The following FGF13 variants were observed in gnomAD, a reference collection of about 807,000 sequenced individuals.
The protein encoded by FGF13 is fibroblast growth factor 13, also known as fibroblast growth factor homologous factor 2.
Under a neutral mutation model 19.5 loss-of-function variants are expected in FGF13, and 2 were observed. The ratio of observed to expected loss-of-function variants is 0.10; its 90% CI spans 0.04 to 0.32. The LOEUF (loss-of-function observed/expected upper bound fraction) is 0.32. FGF13 is among the 10% of genes least tolerant of loss of function. The probability of loss-of-function intolerance (pLI) is 1.00; values close to 1 mark genes in which losing one functional copy is unlikely to be tolerated. For synonymous variants in FGF13, 72 were observed against 76.9 expected (o/e 0.94, Z 0.33); for missense variants, 113 against 192.7 (o/e 0.59, Z 2.45).
intron 1 of FGF13, among the ~76,000 whole-genome samples, chrX:139,020,332 G>C (rs192198043): frequency 1.8e-5 from 2 of 111,175 alleles, no homozygotes; most frequent in Non-Finnish European, 1.9e-5. Context: ...CAAACTACCA[G>C]CTTATCAATG....
chrX:139,141,047 T>TGATAGATGATA (rs1556373057), intron 1 of FGF13, among the ~76,000 whole-genome samples: 1 of 89,091 alleles, frequency 1.1e-5, no homozygotes, highest in African/African-American at 4.4e-5. Flanking sequence ...ACTAGATAGA[T>TGATAGATGATA]GATAGATAGA....
intron 3 of FGF13, among the ~76,000 whole-genome samples, chrX:138,684,168 A>G (rs2089756619): frequency 8.9e-6 from 1 of 111,874 alleles, no homozygotes; most frequent in African/African-American, 3.2e-5. Flanking sequence ...ATTACTTGCA[A>G]AATAGACTTA....
At chrX:138,734,812 C>T (rs1310230203) in intron 1 of FGF13, among the ~76,000 whole-genome samples, 1 of 111,807 alleles carries the variant, frequency 8.9e-6, no homozygotes, top group Non-Finnish European at 1.9e-5. Flanking sequence ...TCCTGGAAGG[C>T]AGGGTCCATG....
chrX:138,767,382 C>A (rs1370432071), intron 3 of FGF13, among the ~76,000 whole-genome samples: 1 of 111,881 alleles, frequency 8.9e-6, no homozygotes, highest in African/African-American at 3.3e-5. Flanking sequence ...GTGCACAAGT[C>A]CCATGGGGAT....
intron 1 of FGF13, among the ~76,000 whole-genome samples, chrX:139,059,927 G>C (rs2092331526): frequency 8.9e-6 from 1 of 111,806 alleles, no homozygotes. Flanking sequence ...AATAAGGTGT[G>C]CATATCTTTG....
chrX:138,926,887 C>G (rs1305934632), intron 1 of FGF13, among the ~76,000 whole-genome samples: 1 of 111,430 alleles, frequency 9.0e-6, no homozygotes, highest in African/African-American at 3.3e-5. Flanking sequence ...ATCCGGGAGG[C>G]AGAGGTTGTA....
chrX:138,840,767 G>A (rs779132364), intron 3 of FGF13, among the ~76,000 whole-genome samples: 1 of 111,635 alleles, frequency 9.0e-6, no homozygotes, highest in Admixed American at 9.5e-5. Context: ...CCAGTGGCCA[G>A]GGTGGTGGTC....
intron 1 of FGF13, among the ~76,000 whole-genome samples, chrX:139,133,795 A>G (rs1371111042): frequency 8.9e-6 from 1 of 111,756 alleles, no homozygotes; most frequent in Non-Finnish European, 1.9e-5. Flanking sequence ...ATTTACCTTT[A>G]CATACCCACT....
intron 3 of FGF13, among the ~76,000 whole-genome samples, chrX:138,808,619 C>A (rs879160655): frequency 9.0e-6 from 1 of 110,877 alleles, no homozygotes; most frequent in Non-Finnish European, 1.9e-5. Flanking sequence ...GATAGAGACA[C>A]AAAAAACCCT....
intron 1 of FGF13, among the ~76,000 whole-genome samples, chrX:138,951,430 T>C (rs1318651864): frequency 9.0e-6 from 1 of 111,678 alleles, no homozygotes; most frequent in Non-Finnish European, 1.9e-5. Flanking sequence ...AAAATTGAAA[T>C]ATTCTGTACA....
chrX:138,865,073 C>A (rs2091310079), intron 1 of FGF13, among the ~76,000 whole-genome samples: 1 of 111,596 alleles, frequency 9.0e-6, no homozygotes, highest in Non-Finnish European at 1.9e-5. Flanking sequence ...TAACAAGTTC[C>A]CAGGTGGTGC....
rs1439951158 is a variant in FGF13, at chrX:138,627,567, CT to C, written c.*5282del. On this transcript the variant is annotated 3_prime_UTR_variant, in exon 5 of 5. Coordinates refer to ENST00000315930, the MANE Select transcript of FGF13 (RefSeq NM_004114.5). ...CAGAGGAAGACAGCAGCTCTGAGTT[CT>C]TTTGGAGGCCCATCTAGTGTGTGTG... The C allele has an allele frequency of 1.0e-5, 1 of 99,033 alleles. No homozygotes were observed. The highest frequency in any genetic ancestry group is 2.0e-5 in the Non-Finnish European group (1 of 49,741). The allele number at this position is 99,033 out of a possible 1,213,427, so 8.2% of individuals were successfully genotyped here.
chrX:139,034,328 G>C (rs2092243331), intron 1 of FGF13, among the ~76,000 whole-genome samples: 1 of 111,478 alleles, frequency 9.0e-6, no homozygotes, highest in Admixed American at 9.6e-5. Context: ...GTAGGAAATG[G>C]CATCTAAGGC....
Position 138,732,931 on chromosome X carries a change from C to A in FGF13, c.28+6311G>T, listed in dbSNP as rs777640219. Among the ~76,000 whole-genome samples the A allele has an allele frequency of 3.7e-4, 41 of 110,756 alleles. No homozygotes were observed. The South Asian group carries it at 0.014, about 38-fold the overall frequency. On this transcript the variant is annotated intron_variant, in intron 1 of 4. Transcript: ENST00000305414. ...TAAAATGTAGATCCTTGGGTTCCAA[C>A]CAACTCAGCTTGAAATCTTCAATTT... is the stretch of plus-strand genomic sequence containing the variant.
intron 3 of FGF13, among the ~76,000 whole-genome samples, chrX:138,768,175 G>A (rs2090515818): frequency 8.9e-6 from 1 of 112,027 alleles, no homozygotes; most frequent in African/African-American, 3.2e-5. Context: ...ACTCTTTCAG[G>A]CCTGGCTATT....
At chrX:138,929,031 C>G (rs111667364) in intron 1 of FGF13, among the ~76,000 whole-genome samples, 21 of 111,421 alleles carry the variant, frequency 1.9e-4, no homozygotes, top group African/African-American at 6.8e-4. Flanking sequence ...TCATTTATTT[C>G]TCTTGTTCTC....
At chrX:138,907,501 C>T (rs2091564431) in intron 1 of FGF13, among the ~76,000 whole-genome samples, 1 of 111,453 alleles carries the variant, frequency 9.0e-6, no homozygotes, top group East Asian at 2.9e-4. Context: ...CTAGGCATTG[C>T]ACTCCTGACA....
chrX:138,833,896 T>G (rs896212427), intron 3 of FGF13, among the ~76,000 whole-genome samples: 1 of 112,269 alleles, frequency 8.9e-6, no homozygotes, highest in Non-Finnish European at 1.9e-5. Context: ...GAAAGCCTTT[T>G]ATGCATCCAT....
At chrX:138,958,431 G>T (rs760845266) in intron 1 of FGF13, among the ~76,000 whole-genome samples, 15 of 111,535 alleles carry the variant, frequency 1.3e-4, no homozygotes, top group Non-Finnish European at 2.5e-4. Flanking sequence ...AGTTTGCCAG[G>T]ATTTTATTGA....
Sources: gnomAD v4.1 joint callset for allele counts (sites outside exome capture counted in the v4.1 genomes callset) on GRCh38, gnomAD v4.1.1 for gene constraint, MANE v1.5 for transcripts, NCBI Gene and HGNC (gene_info 2026-07-23, HGNC 2026-07-21) for gene names.